DOCK2: variants seen among roughly 807,000 people sequenced by gnomAD.
DOCK2 encodes the protein dedicator of cytokinesis 2, also known as dedicator of cytokinesis protein 2.
DOCK2 carries 87 observed loss-of-function variants against 248.9 expected under a neutral mutation model. The observed-to-expected ratio is 0.35, with a 90% confidence interval of 0.29 to 0.42. DOCK2 has a LOEUF of 0.42. DOCK2 is among the 10% of genes least tolerant of loss of function. The pLI is 1.00. For synonymous variants in DOCK2, 805 were observed against 821.6 expected, an observed-to-expected ratio of 0.98 and a Z score of 0.35; for missense variants, 1,747 against 2,300.2, an observed-to-expected ratio of 0.76 and a Z score of 4.92.
At chr5:170,079,387 CTG>C in intron 49 of DOCK2, 1 of 473,820 alleles carries the variant, frequency 2.1e-6, no homozygotes, top group Non-Finnish European at 3.9e-6. Context: ...ACTTCAGAGC[CTG>C]TGTGTATCCT....
intron 27 of DOCK2, chr5:169,883,212 T>C (rs970508043): frequency 6.4e-7 from 1 of 1,551,614 alleles, no homozygotes. Flanking sequence ...TGGAGTTACT[T>C]ACTTCAGCTG....
chr5:169,813,675 G>C (rs1046486901), intron 26 of DOCK2, among the ~76,000 whole-genome samples: 2 of 152,194 alleles, frequency 1.3e-5, no homozygotes, highest in African/African-American at 4.8e-5. Context: ...GTGTTTTTAA[G>C]AAAAACTAAA....
intron 27 of DOCK2, among the ~76,000 whole-genome samples, chr5:169,856,647 CAAGT>C (rs1421164473): frequency 6.6e-6 from 1 of 152,184 alleles, no homozygotes; most frequent in Non-Finnish European, 1.5e-5. Flanking sequence ...ATGACACCAG[CAAGT>C]AACTTCTCAT....
chr5:169,684,339 A>G lies in DOCK2; in HGVS notation c.750A>G (p.Gln250=). ...LFMSLYDPNK[Q]TVISENYLVR... ...TGTCTCTCTACGACCCCAACAAGCA[A>G]ACGGTCATAAGGTAGGTGTGTCCAG... Residue 250 remains glutamine, a synonymous_variant, in exon 8 of 52, where the codon CAA becomes CAG. Transcript: ENST00000520908. 6.2e-7 allele frequency: 1 copy of G among 1,614,152 alleles called. No individual in the cohort carries two copies. The highest frequency in any genetic ancestry group is 1.1e-5 in the South Asian group (1 of 91,090).
rs545029737 is a variant in DOCK2, at chr5:170,081,736, C to T, written c.5288-106C>T. The T allele has an allele frequency of 1.6e-3, 2,001 of 1,283,464 alleles. 1 individual carries two copies. The highest frequency in any genetic ancestry group is 2.2e-3 in the Middle Eastern group (8 of 3,640). The allele number at this position is 1,283,464 out of a possible 1,614,324, so 79.5% of individuals were successfully genotyped here. On this transcript the variant is annotated intron_variant, in intron 50 of 51. Coordinates refer to ENST00000520908, the MANE Select transcript of DOCK2 (RefSeq NM_004946.3). The stretch of plus-strand genomic sequence containing the variant: ...CTGCTTGGCACATACAATGTGTGAT[C>T]CCTGGATGCTGGCTCTGTCCCCCAG...
chr5:170,080,375 C>A, intron 50 of DOCK2, 92 bp downstream of exon 50: 3 of 1,560,944 alleles, frequency 1.9e-6, no homozygotes, highest in Non-Finnish European at 2.6e-6. Flanking sequence ...TGTGTCTACA[C>A]AACAAAGTGG....
chr5:169,765,715 G>C (rs142788950), intron 25 of DOCK2, among the ~76,000 whole-genome samples: 156 of 152,312 alleles, frequency 1.0e-3, no homozygotes, highest in South Asian at 2.5e-3. Context: ...AGGGAAGAAG[G>C]GGGGAGAGAG....
intron 26 of DOCK2, among the ~76,000 whole-genome samples, chr5:169,838,064 T>C (rs1199360319): frequency 6.6e-6 from 1 of 151,916 alleles, no homozygotes; most frequent in Non-Finnish European, 1.5e-5. Context: ...GCAGAAAATA[T>C]AAGGGAGGGG....
intron 23 of DOCK2, among the ~76,000 whole-genome samples, chr5:169,758,641 C>T (rs900622377): frequency 2.0e-5 from 3 of 152,142 alleles, no homozygotes; most frequent in African/African-American, 7.2e-5. Flanking sequence ...ACTTTTCAAC[C>T]CCAGGCTAGT....
Position 169,637,383 on chromosome 5 carries a change from C to CCAGGGCGCGG in DOCK2, c.43+20_43+29dup. 7.2e-7 allele frequency: 1 copy of CCAGGGCGCGG among 1,389,164 alleles called. No individual in the cohort carries two copies. The highest frequency in any genetic ancestry group is 1.5e-5 in the African/African-American group (1 of 66,632). 86.1% of individuals were successfully genotyped at this position (1,389,164 alleles called of 1,614,324 possible). A position where few individuals can be genotyped will look rare whatever the true frequency, so the allele number is the denominator to read the frequency against. The stretch of plus-strand genomic sequence containing the variant: ...GGCACGGCGTGGGTAGGTGCGGGCC[C>CCAGGGCGCGG]CAGGGCGCGGCAGGGAGCGGGACAG... On this transcript the variant is annotated intron_variant, in intron 1 of 51. Coordinates refer to ENST00000520908, the MANE Select transcript of DOCK2 (RefSeq NM_004946.3).
intron 36 of DOCK2, among the ~76,000 whole-genome samples, chr5:170,038,719 C>T (rs923242826): frequency 7.9e-5 from 12 of 152,132 alleles, no homozygotes; most frequent in Non-Finnish European, 1.3e-4. Context: ...GGTTGAGGGA[C>T]GTCTTCTTTT....
At chr5:169,685,172 T>G (rs891419196) in intron 8 of DOCK2, among the ~76,000 whole-genome samples, 1 of 152,220 alleles carries the variant, frequency 6.6e-6, no homozygotes, top group South Asian at 2.1e-4. Context: ...CAGGCTTTAA[T>G]GAGAAAGAGT....
Position 169,761,549 on chromosome 5 carries a change from C to A in DOCK2, c.2478C>A (p.Ile826=), listed in dbSNP as rs1477099852. ...TCCTGTATGAGTTCTACACCTGCAT[C>A]CCTCCTGTGAAACTCCAGAAGCAGA... is the stretch of plus-strand genomic sequence containing the variant. ...SQLLYEFYTC[I]PPVKLQKQKV... The change falls in exon 25 of 52, where the codon ATC becomes ATA. Residue 826 remains isoleucine, a synonymous_variant. Coordinates refer to ENST00000520908, the MANE Select transcript of DOCK2 (RefSeq NM_004946.3). The A allele has an allele frequency of 6.2e-7, 1 of 1,614,088 alleles. No homozygotes were observed.
At chr5:169,957,560 G>A (rs1203770782) in intron 27 of DOCK2, among the ~76,000 whole-genome samples, 1 of 152,164 alleles carries the variant, frequency 6.6e-6, no homozygotes, top group East Asian at 1.9e-4. Context: ...GGTGGGACTG[G>A]GACTCCTTGG....
rs1308194680 is a variant in DOCK2, at chr5:169,699,417, T to C, written c.1091T>C (p.Leu364Pro). The C allele has an allele frequency of 6.2e-7, 1 of 1,613,462 alleles. No homozygotes were observed. Among genetic ancestry groups the C allele is most frequent in the Admixed American group, 1.7e-5 (1 of 59,982 alleles). ...TAENDFLHSL[L>P]GKVIASKGDS... Reference sequence around the variant, plus strand: ...GAGAATGACTTCCTACACAGCCTGCTGGGCAAAGTCATAGCCTCCAAGGGG... The same window carrying C: ...GAGAATGACTTCCTACACAGCCTGCCGGGCAAAGTCATAGCCTCCAAGGGG... The change falls in exon 12 of 52, where the codon CTG becomes CCG. Residue 364 changes from leucine (L) to proline (P), a missense_variant. Leu to Pro is a moderately conservative substitution (Grantham distance 98, BLOSUM62 -3). Transcript: ENST00000520908.
In DOCK2 at chr5:170,077,756, G is replaced by A. The variant is rs529714012; in HGVS notation, c.4913G>A (p.Arg1638His). 20 of 1,613,854 alleles carry A rather than the reference G, an allele frequency of 1.2e-5. 1 individual carries two copies. The highest frequency in any genetic ancestry group is 2.2e-5 in the East Asian group (1 of 44,866). ...RRVGRPRSML[R>H]SYRQMSIISL... ...GTGGGCCGTCCCAGGTCTATGCTGC[G>A]CTCATACAGACAGATGTCCATCATC... Residue 1638 changes from arginine to histidine, a missense_variant, in exon 48 of 52, where the codon CGC becomes CAC. This residue lies in a region of DOCK2 where 513 missense variants were observed against 586.1 expected (regional missense o/e 0.88). Transcript: ENST00000520908.
intron 2 of DOCK2, 97 bp downstream of exon 2, chr5:169,654,583 G>C (rs1757993166): frequency 4.0e-6 from 5 of 1,256,410 alleles, no homozygotes; most frequent in Admixed American, 4.5e-5. Flanking sequence ...ACCTGCAACT[G>C]TGTGGTCTAT....
At chr5:169,735,157 C>G (rs1273031906) in intron 22 of DOCK2, among the ~76,000 whole-genome samples, 1 of 152,164 alleles carries the variant, frequency 6.6e-6, no homozygotes. Context: ...CAGTACTCAC[C>G]TTCTTAAAAT....
At chr5:169,916,641 A>G (rs1774888792) in intron 27 of DOCK2, among the ~76,000 whole-genome samples, 3 of 151,808 alleles carry the variant, frequency 2.0e-5, no homozygotes, top group Admixed American at 2.0e-4. Flanking sequence ...TACCTGGCAC[A>G]TAGTAGGTAT....
Sources: allele counts gnomAD v4.1 joint callset (sites outside exome capture counted in the v4.1 genomes callset), GRCh38; gene constraint gnomAD v4.1.1; regional missense constraint gnomAD v4.1.1; transcripts MANE v1.5; gene names NCBI Gene and HGNC (gene_info 2026-07-23, HGNC 2026-07-21).